TNRC6B: variants seen among roughly 807,000 people sequenced by gnomAD.
TNRC6B encodes trinucleotide repeat-containing gene 6B protein.
Under a neutral mutation model 203.6 loss-of-function variants are expected in TNRC6B, and 52 were observed. The observed-to-expected ratio is 0.26, with a 90% CI of 0.20 to 0.32. The LOEUF (loss-of-function observed/expected upper bound fraction) is 0.32. Ranked by LOEUF, TNRC6B falls within the 10% of genes least tolerant of loss-of-function variation. The pLI is 1.00. For missense variants in TNRC6B, 1,923 were observed against 2,286.2 expected, an observed-to-expected ratio of 0.84 and a Z score of 3.24; for synonymous variants, 838 against 845.7, an observed-to-expected ratio of 0.99 and a Z score of 0.16.
chr22:40,293,181 T>A (rs1210311318), intron 12 of TNRC6B, among the ~76,000 whole-genome samples: 1 of 142,448 alleles, frequency 7.0e-6, no homozygotes, highest in East Asian at 2.2e-4. Flanking sequence ...GCTGCTATAA[T>A]ATCCTTTTCT....
chr22:40,092,355 A>C (rs1396952703), intron 1 of TNRC6B, among the ~76,000 whole-genome samples: 1 of 151,646 alleles, frequency 6.6e-6, no homozygotes, highest in African/African-American at 2.4e-5. Context: ...GTGAGCTGAG[A>C]TCTACCACTG....
At chr22:40,247,473 A>G (rs1370678441) in intron 2 of TNRC6B, among the ~76,000 whole-genome samples, 1 of 152,232 alleles carries the variant, frequency 6.6e-6, no homozygotes, top group African/African-American at 2.4e-5. Context: ...GTATCAGCAT[A>G]AGAAAAATTC....
chr22:40,219,188 G>T (rs1008614491), intron 1 of TNRC6B, among the ~76,000 whole-genome samples: 1 of 152,204 alleles, frequency 6.6e-6, no homozygotes, highest in African/African-American at 2.4e-5. Context: ...TTGAAGACAG[G>T]CTATGTCTGG....
chr22:40,095,686 T>C (rs1569258378), intron 1 of TNRC6B, among the ~76,000 whole-genome samples: 1 of 150,768 alleles, frequency 6.6e-6, no homozygotes, highest in Non-Finnish European at 1.5e-5. Context: ...TACCACCTCA[T>C]GCCATCTAGT....
intron 1 of TNRC6B, among the ~76,000 whole-genome samples, chr22:40,239,680 A>G (rs890502508): frequency 1.3e-5 from 2 of 152,140 alleles, no homozygotes; most frequent in Non-Finnish European, 2.9e-5. Flanking sequence ...TTCCCTTTGC[A>G]TGGTCTCGGA....
At chr22:40,167,074 T>A (rs1409151989) in intron 4 of TNRC6B, among the ~76,000 whole-genome samples, 1 of 152,156 alleles carries the variant, frequency 6.6e-6, no homozygotes, top group Non-Finnish European at 1.5e-5. Context: ...ATTTCAGTCA[T>A]GATAGAGTGC....
At chr22:40,178,467 A>G (rs1208430604) in intron 1 of TNRC6B, among the ~76,000 whole-genome samples, 4 of 152,236 alleles carry the variant, frequency 2.6e-5, no homozygotes, top group Admixed American at 2.0e-4. Flanking sequence ...TAAAAAACAC[A>G]GACCTCCCCC....
At chr22:40,214,144 G>A (rs897497398) in intron 1 of TNRC6B, among the ~76,000 whole-genome samples, 2 of 152,132 alleles carry the variant, frequency 1.3e-5, no homozygotes, top group East Asian at 1.9e-4. Flanking sequence ...GTGCGCACCT[G>A]TAGCCCCAGC....
At chr22:40,137,216 CT>C (rs2146334785) in intron 3 of TNRC6B, among the ~76,000 whole-genome samples, 1 of 152,302 alleles carries the variant, frequency 6.6e-6, no homozygotes, top group East Asian at 1.9e-4. Flanking sequence ...GCTGGATCTG[CT>C]TTAGCAAAAG....
At chr22:40,208,350 C>G (rs1292648490) in intron 1 of TNRC6B, among the ~76,000 whole-genome samples, 1 of 151,924 alleles carries the variant, frequency 6.6e-6, no homozygotes, top group Non-Finnish European at 1.5e-5. Flanking sequence ...GGAGGCATGC[C>G]CTAAGATGTC....
intron 1 of TNRC6B, among the ~76,000 whole-genome samples, chr22:40,181,880 A>C (rs1374005613): frequency 6.6e-6 from 1 of 150,982 alleles, no homozygotes; most frequent in East Asian, 1.9e-4. Context: ...AGTGATGTTG[A>C]CACTGCAGTT....
At chr22:40,099,732 A>G (rs1778573423) in intron 1 of TNRC6B, among the ~76,000 whole-genome samples, 1 of 152,142 alleles carries the variant, frequency 6.6e-6, no homozygotes, top group Non-Finnish European at 1.5e-5. Flanking sequence ...AGTTATACAC[A>G]AATACTTCTC....
At chr22:40,148,030 G>A (rs984960337) in intron 3 of TNRC6B, among the ~76,000 whole-genome samples, 1 of 152,080 alleles carries the variant, frequency 6.6e-6, no homozygotes, top group Non-Finnish European at 1.5e-5. Flanking sequence ...TGAACTTTAT[G>A]GCATATAGGT....
In TNRC6B at chr22:40,152,542, A is replaced by C. The variant is rs374699330; in HGVS notation, c.46-3573A>C. On this transcript the variant is annotated intron_variant, in intron 3 of 23. Transcript: ENST00000301923. ...ACGGGGTTTCACCATGTTAGCCAGG[A>C]TGGTCTCGATCTCCTGACCTTGTGA... is the stretch of plus-strand genomic sequence containing the variant. Among the ~76,000 whole-genome samples, 8 of 152,146 alleles carry C rather than the reference A, an allele frequency of 5.3e-5. No individual in the cohort carries two copies. In the East Asian group the frequency reaches 1.6e-3, roughly 30 times the overall value.
chr22:40,284,696 C>T (rs5757903), intron 11 of TNRC6B, among the ~76,000 whole-genome samples: 109,955 of 152,060 alleles, frequency 0.72, 40,470 homozygotes, highest in East Asian at 0.99. Context: ...AGAGGTGGGC[C>T]CAGTTAATCT....
In TNRC6B at chr22:40,326,053, A is replaced by G. The variant is rs561706869; in HGVS notation, c.*2812A>G. On this transcript the variant is annotated 3_prime_UTR_variant, in exon 23 of 23. Coordinates refer to ENST00000454349, the MANE Select transcript of TNRC6B (RefSeq NM_001162501.2). ...AAAAAAAAAAGACCAAAAAGTGCGT[A>G]TATATATACATATAAATATATATTT... is the stretch of plus-strand genomic sequence containing the variant. 6.6e-6 allele frequency: 1 copy of G among 152,542 alleles called. No individual in the cohort carries two copies. Among genetic ancestry groups the G allele is most frequent in the South Asian group, 2.1e-4 (1 of 4,830 alleles). 9.4% of individuals were successfully genotyped at this position (152,542 alleles called of 1,614,324 possible).
intron 1 of TNRC6B, among the ~76,000 whole-genome samples, chr22:40,242,460 C>T (rs192862467): frequency 1.3e-5 from 2 of 149,678 alleles, no homozygotes; most frequent in Non-Finnish European, 3.0e-5. Flanking sequence ...GACGGAATTT[C>T]GCTCTTGTTG....
At chr22:40,124,542 C>T (rs952916297) in intron 2 of TNRC6B, among the ~76,000 whole-genome samples, 2 of 152,116 alleles carry the variant, frequency 1.3e-5, no homozygotes, top group Non-Finnish European at 2.9e-5. Flanking sequence ...GTCTTGAACG[C>T]GTTAGCTCAA....
intron 8 of TNRC6B, 72 bp downstream of exon 8, chr22:40,277,223 C>A: frequency 9.2e-7 from 1 of 1,088,554 alleles, no homozygotes; most frequent in Non-Finnish European, 1.3e-6. Flanking sequence ...AATTTTAAGA[C>A]AACTGCCACA....
Sources: allele counts gnomAD v4.1 joint callset (sites outside exome capture counted in the v4.1 genomes callset), GRCh38; gene constraint gnomAD v4.1.1; transcripts MANE v1.5; gene names NCBI Gene and HGNC (gene_info 2026-07-23, HGNC 2026-07-21).